Variants in OR5AU1 observed in about 807,000 individuals in gnomAD.
The protein encoded by OR5AU1 is olfactory receptor 5AU1.
For missense variants in OR5AU1, 415 were observed against 374.2 expected (o/e 1.11, Z -0.90); for synonymous variants, 169 against 152.0 (o/e 1.11, Z -0.82).
In OR5AU1 at chr14:21,155,848, C is replaced by T. The variant is rs765637237; in HGVS notation, c.25G>A (p.Gly9Arg). Reference sequence around the variant, plus strand: ...AGGCCCAAGAGCTCAAACTCCATCCCTTGGCTCAGGTTTGCCCCTTTCATC... The same window carrying T: ...AGGCCCAAGAGCTCAAACTCCATCCTTTGGCTCAGGTTTGCCCCTTTCATC... MKGANLSQGMEFELLGLTT... is the reference protein window; with the variant it reads MKGANLSQRMEFELLGLTT... The change falls in exon 1 of 1, where the codon GGG becomes AGG. Residue 9 changes from glycine (G) to arginine (R), a missense_variant. By Grantham distance (125) the Gly-to-Arg change is moderately radical. Coordinates refer to ENST00000304418, the MANE Select transcript of OR5AU1 (RefSeq NM_001004731.3). The T allele has an allele frequency of 1.2e-5, 20 of 1,614,044 alleles. No homozygotes were observed. The African/African-American group carries it at 1.9e-4, about 15-fold the overall frequency.
chr14:21,155,447 G>A lies in OR5AU1; in HGVS notation c.426C>T (p.Ala142=), dbSNP rs377364129. 1.4e-4 allele frequency: 219 copies of A among 1,614,002 alleles called. No individual in the cohort carries two copies. Among genetic ancestry groups the A allele is most frequent in the Non-Finnish European group, 1.8e-4 (211 of 1,180,018 alleles). Residue 142 remains alanine (A), a synonymous_variant, in exon 1 of 1, where the codon GCC becomes GCT. Transcript: ENST00000304418. Reference sequence around the variant, plus strand: ...CACTGTAGGAGCCCACAATCAGCGAGGCACAGACCTCAGGAGACATGATGG... The same window carrying A: ...CACTGTAGGAGCCCACAATCAGCGAAGCACAGACCTCAGGAGACATGATGG... The part of the protein sequence containing the change: ...YSTIMSPEVC[A]SLIVGSYSAG...
Position 21,155,654 on chromosome 14 carries a change from G to A in OR5AU1, c.219C>T (p.Tyr73=). ...GGGTCTGGGGCACAACCGTGGAGGA[G>A]TAGCAGAAATCCAAGAAGGAGAGGC... ...LKSLSFLDFC[Y]SSTVVPQTLV... is the part of the protein sequence containing the mutation. Residue 73 remains tyrosine, a synonymous_variant, in exon 1 of 1, where the codon TAC becomes TAT. Coordinates refer to ENST00000304418, the MANE Select transcript of OR5AU1 (RefSeq NM_001004731.3). 1 of 1,614,180 alleles carries A rather than the reference G, an allele frequency of 6.2e-7. No homozygotes were observed. The highest frequency in any genetic ancestry group is 8.5e-7 in the Non-Finnish European group (1 of 1,180,032).
Position 21,155,200 on chromosome 14 carries a change from T to A in OR5AU1, c.673A>T (p.Ile225Phe). The A allele has an allele frequency of 6.2e-7, 1 of 1,614,030 alleles. No homozygotes were observed. The highest frequency in any genetic ancestry group is 1.7e-5 in the Admixed American group (1 of 59,988). ...CCCTGGGCCGAGCTCATTTTCAGGA[T>A]GGTGTTGAGAATTAAGAAGTAGGAG... is the stretch of plus-strand genomic sequence containing the variant. ...LISYFLILNTILKMSSAQGRF... is the reference protein window; with the variant it reads ...LISYFLILNTFLKMSSAQGRF... Residue 225 changes from isoleucine (I) to phenylalanine (F), a missense_variant, in exon 1 of 1, where the codon ATC becomes TTC. By Grantham distance (21) the Ile-to-Phe change is conservative. Coordinates refer to ENST00000304418, the MANE Select transcript of OR5AU1 (RefSeq NM_001004731.3).
Position 21,155,666 on chromosome 14 carries a change from C to G in OR5AU1, c.207G>C (p.Leu69Phe). The change falls in exon 1 of 1, where the codon TTG (leucine) becomes TTC (phenylalanine). Residue 69 changes from leucine (L) to phenylalanine (F), a missense_variant. Physicochemically the swap from Leu to Phe is conservative, Grantham distance 22. Coordinates refer to ENST00000304418, the MANE Select transcript of OR5AU1 (RefSeq NM_001004731.3). Reference protein sequence around the residue: ...MYSLLKSLSFLDFCYSSTVVP... With the variant: ...MYSLLKSLSFFDFCYSSTVVP... The stretch of plus-strand genomic sequence containing the variant: ...CAACCGTGGAGGAGTAGCAGAAATC[C>G]AAGAAGGAGAGGCTCTTCAGGAGGG... 1 of 1,614,058 alleles carries G rather than the reference C, an allele frequency of 6.2e-7. No individual in the cohort carries two copies. The highest frequency in any genetic ancestry group is 1.1e-5 in the South Asian group (1 of 91,066).
In OR5AU1 at chr14:21,155,032, C is replaced by T; in HGVS notation, c.841G>A (p.Val281Met). The T allele has an allele frequency of 6.2e-7, 1 of 1,614,166 alleles. No individual in the cohort carries two copies. Among genetic ancestry groups the T allele is most frequent in the East Asian group, 2.2e-5 (1 of 44,882 alleles). The change falls in exon 1 of 1, where the codon GTG (valine) becomes ATG (methionine). Residue 281 changes from valine to methionine, a missense_variant. Val to Met is a conservative substitution (Grantham distance 21). Coordinates refer to ENST00000304418, the MANE Select transcript of OR5AU1 (RefSeq NM_001004731.3). ...DRTVAVIYTV[V>M]IPVLNPLMYS... ...ATGAGGGGGTTCAGCACTGGGATCA[C>T]CACTGTGTAGATGACAGCAACTGTG...
Position 21,155,480 on chromosome 14 carries a change from G to A in OR5AU1, c.393C>T (p.Leu131=), listed in dbSNP as rs1209933575. 5 of 1,614,184 alleles carry A rather than the reference G, an allele frequency of 3.1e-6. No individual in the cohort carries two copies. The highest frequency in any genetic ancestry group is 4.2e-6 in the Non-Finnish European group (5 of 1,180,008). Residue 131 remains leucine, a synonymous_variant, in exon 1 of 1, where the codon CTC becomes CTT. Transcript: ENST00000304418. ...DRYAAICNPL[L]YSTIMSPEVC... ...CCTCAGGAGACATGATGGTTGAGTAGAGCAGGGGGTTACAAATAGCGGCAT... is the reference window on the plus strand; with the variant it reads ...CCTCAGGAGACATGATGGTTGAGTAAAGCAGGGGGTTACAAATAGCGGCAT...
At position 21,154,995 on chromosome 14, in the gene OR5AU1, C is replaced by G; in HGVS notation, c.878G>C (p.Arg293Thr). The G allele has an allele frequency of 6.2e-7, 1 of 1,613,634 alleles. No individual in the cohort carries two copies. The highest frequency in any genetic ancestry group is 8.5e-7 in the Non-Finnish European group (1 of 1,179,578). ...PVLNPLMYSL[R>T]NKDVKKALIK... is the part of the protein sequence containing the mutation. ...TAAAGCTTTCTTCACATCCTTGTTT[C>G]TCAAAGAGTACATGAGGGGGTTCAG... Residue 293 changes from arginine to threonine, a missense_variant, in exon 1 of 1, where the codon AGA (arginine) becomes ACA (threonine). Physicochemically the swap from Arg to Thr is moderately conservative, Grantham distance 71. Transcript: ENST00000304418.
Position 21,155,820 on chromosome 14 carries a change from G to A in OR5AU1, c.53C>T (p.Thr18Ile), listed in dbSNP as rs1360864530. ...CAGCCTCTGGAGCTGGGGGTCAGTG[G>A]TGAGGCCCAAGAGCTCAAACTCCAT... ...QGMEFELLGLTTDPQLQRLLF... is the reference protein window; with the variant it reads ...QGMEFELLGLITDPQLQRLLF... Residue 18 changes from threonine to isoleucine, a missense_variant, in exon 1 of 1, where the codon ACC becomes ATC. Coordinates refer to ENST00000304418, the MANE Select transcript of OR5AU1 (RefSeq NM_001004731.3). 4 of 1,614,026 alleles carry A rather than the reference G, an allele frequency of 2.5e-6. No homozygotes were observed. Among genetic ancestry groups the A allele is most frequent in the East Asian group, 4.5e-5 (2 of 44,896 alleles).
At position 21,155,921 on chromosome 14, in the gene OR5AU1, G is replaced by A. The variant is rs17102045; in HGVS notation, c.-49C>T. On this transcript the variant is annotated 5_prime_UTR_variant, in exon 1 of 1. Transcript: ENST00000304418. ...AGAAAGAAGGCACCACCATAAATGA[G>A]GTTGAACACCTGGGGCTCTGACTGG... The A allele has an allele frequency of 7.6e-3, 12,221 of 1,614,088 alleles. 814 individuals carry two copies. The African/African-American group carries it at 0.14, about 19-fold the overall frequency.
rs1404621126 is a variant in OR5AU1 at position 21,155,006 on chromosome 14, C to T, written c.867G>A (p.Met289Ile). ...TCACATCCTTGTTTCTCAAAGAGTACATGAGGGGGTTCAGCACTGGGATCA... is the reference window on the plus strand; with the variant it reads ...TCACATCCTTGTTTCTCAAAGAGTATATGAGGGGGTTCAGCACTGGGATCA... ...TVVIPVLNPL[M>I]YSLRNKDVKK... The change falls in exon 1 of 1, where the codon ATG becomes ATA. Residue 289 changes from methionine (M) to isoleucine (I), a missense_variant. By Grantham distance (10) the Met-to-Ile change is conservative. Transcript: ENST00000304418. 3 of 1,614,078 alleles carry T rather than the reference C, an allele frequency of 1.9e-6. No individual in the cohort carries two copies. The highest frequency in any genetic ancestry group is 2.5e-6 in the Non-Finnish European group (3 of 1,179,958).
In OR5AU1 at chr14:21,154,913, G is replaced by A; in HGVS notation, c.*24C>T. 1.3e-6 allele frequency: 2 copies of A among 1,588,668 alleles called. No individual in the cohort carries two copies. Among genetic ancestry groups the A allele is most frequent in the Non-Finnish European group, 1.7e-6 (2 of 1,163,026 alleles). On this transcript the variant is annotated 3_prime_UTR_variant, in exon 1 of 1. Transcript: ENST00000304418. ...GTAAAAGTTCCCTTGACTTTCTAAA[G>A]ATATGTGGTAATGCATTGAGAAATC...
In OR5AU1 at chr14:21,156,011, A is replaced by G. The variant is rs768783542; in HGVS notation, c.-139T>C. On this transcript the variant is annotated 5_prime_UTR_variant, in exon 1 of 1. Coordinates refer to ENST00000304418, the MANE Select transcript of OR5AU1 (RefSeq NM_001004731.3). ...TTATTGAGGGCATTTGGCTTTGCAG[A>G]TGAAACTCTGTCATAGAGAGGATCT... 6.2e-7 allele frequency: 1 copy of G among 1,613,528 alleles called. No individual in the cohort carries two copies. The highest frequency in any genetic ancestry group is 1.3e-5 in the African/African-American group (1 of 75,040).
Position 21,155,177 on chromosome 14 carries a change from C to T in OR5AU1, c.696G>A (p.Gln232=). ...LNTILKMSSA[Q]GRFKAFSTCA... ...AGGTGGAAAATGCCTTAAACCTGCC[C>T]TGGGCCGAGCTCATTTTCAGGATGG... The change falls in exon 1 of 1, where the codon CAG becomes CAA. Residue 232 remains glutamine (Q), a synonymous_variant. Transcript: ENST00000304418. The T allele has an allele frequency of 6.2e-7, 1 of 1,614,056 alleles. No individual in the cohort carries two copies. Among genetic ancestry groups the T allele is most frequent in the Non-Finnish European group, 8.5e-7 (1 of 1,180,006 alleles).
Position 21,155,161 on chromosome 14 carries a change from A to C in OR5AU1, c.712T>G (p.Phe238Val), listed in dbSNP as rs1890550527. The change falls in exon 1 of 1, where the codon TTT becomes GTT. Residue 238 changes from phenylalanine (F) to valine (V), a missense_variant. Phe to Val is a conservative substitution (Grantham distance 50, BLOSUM62 -1). Transcript: ENST00000304418. Reference sequence around the variant, plus strand: ...GTGAGGTGGGATGCACAGGTGGAAAATGCCTTAAACCTGCCCTGGGCCGAG... The same window carrying C: ...GTGAGGTGGGATGCACAGGTGGAAACTGCCTTAAACCTGCCCTGGGCCGAG... The part of the protein sequence containing the change: ...MSSAQGRFKA[F>V]STCASHLTAI... The C allele has an allele frequency of 6.2e-7, 1 of 1,613,972 alleles. No homozygotes were observed. Among genetic ancestry groups the C allele is most frequent in the African/African-American group, 1.3e-5 (1 of 74,904 alleles).
rs1566572325 is a variant in OR5AU1, at chr14:21,155,255, G to T, written c.618C>A (p.Asn206Lys). ...AGATGGTGAGGGTGCAGCTCAAAAGGTTGAAACCAGCAAAAATGAAGAGCA... is the reference window on the plus strand; with the variant it reads ...AGATGGTGAGGGTGCAGCTCAAAAGTTTGAAACCAGCAAAAATGAAGAGCA... ...EILLFIFAGF[N>K]LLSCTLTILI... Residue 206 changes from asparagine (N) to lysine (K), a missense_variant, in exon 1 of 1, where the codon AAC becomes AAA. Coordinates refer to ENST00000304418, the MANE Select transcript of OR5AU1 (RefSeq NM_001004731.3). 14 of 1,614,018 alleles carry T rather than the reference G, an allele frequency of 8.7e-6. No individual in the cohort carries two copies. The highest frequency in any genetic ancestry group is 3.3e-5 in the Admixed American group (2 of 60,004).
chr14:21,155,015 G>T lies in OR5AU1; in HGVS notation c.858C>A (p.Asn286Lys), dbSNP rs1400441465. ...TGTTTCTCAAAGAGTACATGAGGGG[G>T]TTCAGCACTGGGATCACCACTGTGT... is the stretch of plus-strand genomic sequence containing the variant. ...VIYTVVIPVL[N>K]PLMYSLRNKD... is the part of the protein sequence containing the mutation. The change falls in exon 1 of 1, where the codon AAC becomes AAA. Residue 286 changes from asparagine to lysine, a missense_variant. Physicochemically the swap from Asn to Lys is moderately conservative, Grantham distance 94. Coordinates refer to ENST00000304418, the MANE Select transcript of OR5AU1 (RefSeq NM_001004731.3). The T allele has an allele frequency of 1.4e-5, 23 of 1,613,998 alleles. No homozygotes were observed. The highest frequency in any genetic ancestry group is 1.8e-5 in the Non-Finnish European group (21 of 1,179,984).
At position 21,155,952 on chromosome 14, in the gene OR5AU1, A is replaced by AT; in HGVS notation, c.-81dup. Reference sequence around the variant, plus strand: ...ACACCTGGGGCTCTGACTGGGTTTAATTCTGCCTAAGGACAGCCTTCTGAA... The same window carrying AT: ...ACACCTGGGGCTCTGACTGGGTTTAATTTCTGCCTAAGGACAGCCTTCTGAA... On this transcript the variant is annotated 5_prime_UTR_variant, in exon 1 of 1. An upstream open reading frame in the 5' UTR gains an earlier in-frame stop. Transcript: ENST00000304418. The AT allele has an allele frequency of 1.2e-6, 2 of 1,614,182 alleles. No homozygotes were observed. Among genetic ancestry groups the AT allele is most frequent in the South Asian group, 2.2e-5 (2 of 91,080 alleles).
At position 21,156,007 on chromosome 14, in the gene OR5AU1, G is replaced by C. The variant is rs1594633163; in HGVS notation, c.-135C>G. ...AGTCTTATTGAGGGCATTTGGCTTT[G>C]CAGATGAAACTCTGTCATAGAGAGG... On this transcript the variant is annotated 5_prime_UTR_variant, in exon 1 of 1. Transcript: ENST00000304418. 4.3e-6 allele frequency: 7 copies of C among 1,613,594 alleles called. No homozygotes were observed. The highest frequency in any genetic ancestry group is 5.9e-6 in the Non-Finnish European group (7 of 1,179,662).
rs1020944606 is a variant in OR5AU1, at chr14:21,155,152, A to G, written c.721T>C (p.Cys241Arg). 4 of 1,613,944 alleles carry G rather than the reference A, an allele frequency of 2.5e-6. No homozygotes were observed. The African/African-American group carries it at 5.3e-5, about 22-fold the overall frequency. ...CAGATGGCAGTGAGGTGGGATGCAC[A>G]GGTGGAAAATGCCTTAAACCTGCCC... ...AQGRFKAFST[C>R]ASHLTAICLF... is the part of the protein sequence containing the mutation. Residue 241 changes from cysteine to arginine, a missense_variant, in exon 1 of 1, where the codon TGT (cysteine) becomes CGT (arginine). By Grantham distance (180) the Cys-to-Arg change is radical (BLOSUM62 -3). Transcript: ENST00000304418.
Sources: allele counts gnomAD v4.1 joint callset, GRCh38; gene constraint gnomAD v4.1.1; transcripts MANE v1.5; gene names NCBI Gene and HGNC (gene_info 2026-07-23, HGNC 2026-07-21).